Variants in DCP2 observed in about 807,000 individuals in gnomAD.
DCP2 encodes the protein m7GpppN-mRNA hydrolase.
Under a neutral mutation model 56.1 loss-of-function variants are expected in DCP2, and 30 were observed. The ratio of observed to expected loss-of-function variants is 0.53; its 90% confidence interval spans 0.40 to 0.73. DCP2 has a LOEUF of 0.73. DCP2 is among the 30% of genes least tolerant of loss of function. The probability of loss-of-function intolerance (pLI) is 0.00; values close to 1 mark genes in which losing one functional copy is unlikely to be tolerated. For missense variants in DCP2, 533 were observed against 502.7 expected (o/e 1.06, Z -0.58); for synonymous variants, 197 against 163.3 (o/e 1.21, Z -1.57).
Position 113,021,305 on chromosome 5 carries a change from C to T in DCP2, c.*7821C>T, listed in dbSNP as rs143435166. Among the ~76,000 whole-genome samples the T allele has an allele frequency of 4.8e-3, 710 of 148,970 alleles. 2 individuals are homozygous for T. Among genetic ancestry groups the T allele is most frequent in the Middle Eastern group, 7.0e-3 (2 of 284 alleles). ...TCTCTTGACCCCGGGAGGCAGAGGTCGCAGTGAGCTGAGATCACACCACTG... is the reference window on the plus strand; with the variant it reads ...TCTCTTGACCCCGGGAGGCAGAGGTTGCAGTGAGCTGAGATCACACCACTG... On this transcript the variant is annotated 3_prime_UTR_variant, in exon 11 of 11. Transcript: ENST00000389063.
chr5:112,980,496 G>A (rs1039648998), intron 1 of DCP2, among the ~76,000 whole-genome samples: 2 of 152,208 alleles, frequency 1.3e-5, no homozygotes, highest in Non-Finnish European at 2.9e-5. Context: ...GTGTGATGCA[G>A]TTTTTTCCGT....
At chr5:112,983,959 A>G (rs1008759237) in intron 1 of DCP2, 1 of 152,240 alleles carries the variant, frequency 6.6e-6, no homozygotes, top group African/African-American at 2.4e-5. Context: ...TCCCCTTTGC[A>G]TCCTTCCTTC....
chr5:113,013,393 G>T lies in DCP2; in HGVS notation c.1172G>T (p.Cys391Phe). The T allele has an allele frequency of 1.2e-6, 2 of 1,614,178 alleles. No homozygotes were observed. Among genetic ancestry groups the T allele is most frequent in the Non-Finnish European group, 1.7e-6 (2 of 1,180,004 alleles). ...LEHAEGQPVA[C>F]NGHCKFPFSS... ...CATGCTGAGGGACAGCCCGTGGCAT[G>T]TAATGGACATTGCAAGTTCCCCTTT... The change falls in exon 11 of 11, where the codon TGT becomes TTT. Residue 391 changes from cysteine (C) to phenylalanine (F), a missense_variant. Physicochemically the swap from Cys to Phe is radical, Grantham distance 205. Coordinates refer to ENST00000389063, the MANE Select transcript of DCP2 (RefSeq NM_152624.6).
intron 4 of DCP2, among the ~76,000 whole-genome samples, chr5:112,995,804 T>G (rs968070266): frequency 6.6e-6 from 1 of 152,232 alleles, no homozygotes; most frequent in African/African-American, 2.4e-5. Context: ...TGTTGCTGTT[T>G]TAGTCTGTGA....
At chr5:113,001,509 G>C (rs749940019) in intron 6 of DCP2, 40 bp downstream of exon 6, 28 of 1,606,092 alleles carry the variant, frequency 1.7e-5, no homozygotes, top group Non-Finnish European at 2.4e-5. Context: ...TCATGATTGG[G>C]ATAGTCATCT....
intron 1 of DCP2, among the ~76,000 whole-genome samples, chr5:112,977,931 G>C (rs1326000239): frequency 6.6e-6 from 1 of 151,394 alleles, no homozygotes; most frequent in African/African-American, 2.4e-5. Context: ...GGAAAGTAAA[G>C]AACTGGTGTT....
At chr5:112,977,018 G>A (rs200595884) in intron 1 of DCP2, 32 bp downstream of exon 1, 3 of 1,471,234 alleles carry the variant, frequency 2.0e-6, no homozygotes, top group Non-Finnish European at 2.7e-6. Context: ...TTTCGCCCCC[G>A]TCGGGTTTTC....
chr5:112,979,164 A>T (rs375669749), intron 1 of DCP2, among the ~76,000 whole-genome samples: 2 of 152,164 alleles, frequency 1.3e-5, no homozygotes, highest in African/African-American at 4.8e-5. Context: ...GAATGGAGTA[A>T]CATTTTTTTC....
chr5:112,998,750 G>C (rs1748982461), intron 4 of DCP2, among the ~76,000 whole-genome samples: 1 of 152,214 alleles, frequency 6.6e-6, no homozygotes, highest in South Asian at 2.1e-4. Flanking sequence ...TGTGTGTGCA[G>C]AGTTTTTTAT....
In DCP2 at chr5:113,014,941, T is replaced by G. The variant is rs1749824121; in HGVS notation, c.*1457T>G. On this transcript the variant is annotated 3_prime_UTR_variant, in exon 11 of 11. Coordinates refer to ENST00000389063, the MANE Select transcript of DCP2 (RefSeq NM_152624.6). ...AGAAGGGCTATTTAAGGAATTCACT[T>G]GGTAGTACTTTGCTTTAGCTTTTAA... 6.6e-6 allele frequency: 1 copy of G among 152,670 alleles called. No individual in the cohort carries two copies. The highest frequency in any genetic ancestry group is 2.4e-5 in the African/African-American group (1 of 41,452). The allele number at this position is 152,670 out of a possible 1,614,324, so 9.5% of individuals were successfully genotyped here.
chr5:112,984,171 G>A (rs1036598653), intron 1 of DCP2: 30 of 152,256 alleles, frequency 2.0e-4, no homozygotes, highest in African/African-American at 7.2e-4. Context: ...AAGACTAGAA[G>A]TCTTAAAGAT....
At chr5:112,990,133 A>G (rs528346181) in intron 2 of DCP2, among the ~76,000 whole-genome samples, 1 of 152,296 alleles carries the variant, frequency 6.6e-6, no homozygotes, top group East Asian at 1.9e-4. Context: ...AATGTAGGGA[A>G]TTGATGGGTT....
At chr5:113,007,376 ATTTCTTTC>A (rs35517896) in intron 8 of DCP2, among the ~76,000 whole-genome samples, 192 of 138,560 alleles carry the variant, frequency 1.4e-3, no homozygotes, top group African/African-American at 4.0e-3. Context: ...GTGTGGAAAG[ATTTCTTTC>A]TTTCTTTCTT....
chr5:113,013,681 A>AC lies in DCP2; in HGVS notation c.*197_*198insC, dbSNP rs1749771654. 5.2e-6 allele frequency: 3 copies of AC among 579,448 alleles called. No individual in the cohort carries two copies. In the East Asian group the frequency reaches 8.9e-5, roughly 17 times the overall value. 35.9% of individuals were successfully genotyped at this position (579,448 alleles called of 1,614,324 possible). ...AATGCAGTTATAACCTTTTATACAGATTTACCTTTTCAGTGTTCAGTACAA... is the reference window on the plus strand; with the variant it reads ...AATGCAGTTATAACCTTTTATACAGACTTTACCTTTTCAGTGTTCAGTACAA... On this transcript the variant is annotated 3_prime_UTR_variant, in exon 11 of 11. Coordinates refer to ENST00000389063, the MANE Select transcript of DCP2 (RefSeq NM_152624.6).
chr5:112,977,919 A>G (rs1021387811), intron 1 of DCP2, among the ~76,000 whole-genome samples: 1 of 151,896 alleles, frequency 6.6e-6, no homozygotes, highest in Admixed American at 6.6e-5. Context: ...GTTTTTTTTA[A>G]TGGAAAGTAA....
intron 4 of DCP2, among the ~76,000 whole-genome samples, chr5:112,994,087 G>A (rs1231315868): frequency 1.3e-5 from 2 of 151,120 alleles, no homozygotes; most frequent in Admixed American, 6.6e-5. Flanking sequence ...ACGAGCCACC[G>A]TGCTTGACTG....
At chr5:113,013,009 G>C (rs1046596368) in intron 10 of DCP2, among the ~76,000 whole-genome samples, 4 of 152,114 alleles carry the variant, frequency 2.6e-5, no homozygotes, top group Admixed American at 2.6e-4. Flanking sequence ...TTCTGTAACA[G>C]AATGCACATA....
At chr5:112,978,937 CAG>C (rs1322949494) in intron 1 of DCP2, among the ~76,000 whole-genome samples, 1 of 152,176 alleles carries the variant, frequency 6.6e-6, no homozygotes. Flanking sequence ...TTACAGACAT[CAG>C]AGCTAGTCTT....
chr5:112,997,287 C>T (rs761376199), intron 4 of DCP2, among the ~76,000 whole-genome samples: 2 of 152,146 alleles, frequency 1.3e-5, no homozygotes, highest in Admixed American at 6.5e-5. Flanking sequence ...TAGATATTGT[C>T]GAAGGCATAA....
Sources: allele counts gnomAD v4.1 joint callset (sites outside exome capture counted in the v4.1 genomes callset), GRCh38; gene constraint gnomAD v4.1.1; transcripts MANE v1.5; gene names NCBI Gene and HGNC (gene_info 2026-07-23, HGNC 2026-07-21).